Variants in KIF15 observed in about 807,000 individuals in gnomAD.
KIF15 encodes the protein kinesin-like protein KIF15.
KIF15 carries 140 observed loss-of-function variants against 190.6 expected under a neutral mutation model. That is an observed-to-expected ratio of 0.73 (90% CI 0.64 to 0.84). The LOEUF (loss-of-function observed/expected upper bound fraction) is 0.84, where lower values mean the gene tolerates loss of function less well. Among genes scored for constraint, KIF15 ranks in the 40% least tolerant of loss-of-function variants. The probability of loss-of-function intolerance (pLI) is 0.00; values close to 1 mark genes in which losing one functional copy is unlikely to be tolerated. For missense variants in KIF15, 1,372 were observed against 1,584.4 expected (o/e 0.87, Z 2.28); for synonymous variants, 528 against 551.3 (o/e 0.96, Z 0.59).
At chr3:44,866,450 C>G (rs1370215303) in intron 6 of KIF15, among the ~76,000 whole-genome samples, 1 of 152,174 alleles carries the variant, frequency 6.6e-6, no homozygotes, top group East Asian at 1.9e-4. Flanking sequence ...TGCACACTTT[C>G]CCAGCACAGA....
intron 13 of KIF15, 86 bp downstream of exon 13, chr3:44,802,060 T>A: frequency 1.1e-6 from 1 of 889,252 alleles, no homozygotes; most frequent in Non-Finnish European, 1.7e-6. Flanking sequence ...TGTTCTTTAA[T>A]ACAATGGAAA....
intron 26 of KIF15, among the ~76,000 whole-genome samples, chr3:44,834,901 C>A (rs916519452): frequency 6.6e-6 from 1 of 151,594 alleles, no homozygotes; most frequent in East Asian, 1.9e-4. Flanking sequence ...CCACTGCACT[C>A]CAGCTAGGGC....
chr3:44,794,980 G>A (rs1336404401), intron 8 of KIF15, among the ~76,000 whole-genome samples: 2 of 151,916 alleles, frequency 1.3e-5, no homozygotes, highest in African/African-American at 2.4e-5. Flanking sequence ...AAATGTATCC[G>A]TGTTGTTAAC....
chr3:44,813,443 A>T (rs1037726018), intron 19 of KIF15, among the ~76,000 whole-genome samples: 2 of 151,768 alleles, frequency 1.3e-5, no homozygotes, highest in Non-Finnish European at 2.9e-5. Flanking sequence ...TTTGACACAG[A>T]CTCTCGCTTT....
chr3:44,863,169 C>G (rs1699277878), intron 6 of KIF15: 1 of 151,904 alleles, frequency 6.6e-6, no homozygotes, highest in South Asian at 2.1e-4. Flanking sequence ...GACAGTTCTT[C>G]CAGTGTGGCC....
In KIF15 at chr3:44,812,409, T is replaced by C. The variant is rs1707825409; in HGVS notation, c.2277+120T>C. ...ATGCATGAAACATATTCAGAGAGTA[T>C]CACAGAAAGAAAATGTTGTCACATG... On this transcript the variant is annotated intron_variant, in intron 18 of 34. Coordinates refer to ENST00000326047, the MANE Select transcript of KIF15 (RefSeq NM_020242.3). 4 of 703,882 alleles carry C rather than the reference T, an allele frequency of 5.7e-6. No homozygotes were observed. The Admixed American group carries it at 1.1e-4, about 19-fold the overall frequency. 43.6% of individuals were successfully genotyped at this position (703,882 alleles called of 1,614,324 possible). A position where few individuals can be genotyped will look rare whatever the true frequency, so the allele number is the denominator to read the frequency against.
downstream of KIF15, among the ~76,000 whole-genome samples, chr3:44,855,851 T>C (rs1163514560): frequency 6.6e-6 from 1 of 152,168 alleles, no homozygotes; most frequent in African/African-American, 2.4e-5. Flanking sequence ...TTAGAGAGCA[T>C]CCAAGGGGAT....
intron 20 of KIF15, among the ~76,000 whole-genome samples, chr3:44,824,191 A>G (rs1697522916): frequency 1.3e-5 from 2 of 152,246 alleles, no homozygotes. Context: ...GCTAAAGAAA[A>G]ATAAATGAAC....
downstream of KIF15, among the ~76,000 whole-genome samples, chr3:44,854,254 G>A (rs549337673): frequency 2.0e-4 from 30 of 151,948 alleles, no homozygotes; most frequent in South Asian, 2.5e-3. Flanking sequence ...GTGTGGTGGC[G>A]CATGCCTGTA....
chr3:44,831,697 T>A (rs888081255), intron 26 of KIF15, among the ~76,000 whole-genome samples: 4 of 152,366 alleles, frequency 2.6e-5, no homozygotes, highest in Admixed American at 2.0e-4. Context: ...TGTGAACTTA[T>A]CTTTTTAAAA....
intron 7 of KIF15, among the ~76,000 whole-genome samples, chr3:44,790,297 C>T (rs1382732464): frequency 6.6e-6 from 1 of 152,142 alleles, no homozygotes; most frequent in Non-Finnish European, 1.5e-5. Flanking sequence ...TGTGCCTCAG[C>T]CTCCTGAGCA....
At position 44,840,983 on chromosome 3, in the gene KIF15, A is replaced by G. The variant is rs1698572856; in HGVS notation, c.3421-91A>G. On this transcript the variant is annotated intron_variant, in intron 28 of 34. Transcript: ENST00000326047. ...GCCACCATGCCCAGCCGTAGCTAGA[A>G]TATTTTTTATGTACTTGACATTTAC... 9.6e-6 allele frequency: 12 copies of G among 1,256,506 alleles called. No homozygotes were observed. The Admixed American group carries it at 2.2e-4, about 23-fold the overall frequency. The allele number at this position is 1,256,506 out of a possible 1,614,324, so 77.8% of individuals were successfully genotyped here.
intron 6 of KIF15, chr3:44,863,311 C>CCA (rs1472477392): frequency 2.5e-5 from 3 of 117,774 alleles, no homozygotes; most frequent in Non-Finnish European, 5.9e-5. Flanking sequence ...CCCCCCCCCC[C>CCA]CGCCGCCTTG....
Position 44,865,018 on chromosome 3 carries a change from C to T in KIF15, c.*60-8311C>T, listed in dbSNP as rs185715755. On this transcript the variant is annotated intron_variant and NMD_transcript_variant, in intron 6 of 6. Transcript: ENST00000422209. Reference sequence around the variant, plus strand: ...GCCCACCTGCTGAAGTTGAGTCCCTCACAGCTATCTTTGTCTCGCAGGCCT... The same window carrying T: ...GCCCACCTGCTGAAGTTGAGTCCCTTACAGCTATCTTTGTCTCGCAGGCCT... 9.7e-5 allele frequency: 157 copies of T among 1,613,470 alleles called. 1 individual carries two copies. The South Asian group carries it at 1.4e-3, about 14-fold the overall frequency.
chr3:44,782,005 G>A (rs1706188800), intron 5 of KIF15, among the ~76,000 whole-genome samples: 1 of 151,236 alleles, frequency 6.6e-6, no homozygotes. Context: ...TTTTTTCTAT[G>A]CTAAAGTTTT....
chr3:44,779,689 C>G (rs1051120836), intron 4 of KIF15, among the ~76,000 whole-genome samples: 1 of 151,958 alleles, frequency 6.6e-6, no homozygotes, highest in African/African-American at 2.4e-5. Context: ...AAAAAATTAG[C>G]CGGGCGTGGT....
chr3:44,765,157 A>G (rs1575567184), intron 1 of KIF15, among the ~76,000 whole-genome samples: 7 of 152,324 alleles, frequency 4.6e-5, no homozygotes, highest in Admixed American at 6.5e-5. Context: ...TTTAAATTTC[A>G]CTTTCTCTCG....
At position 44,811,033 on chromosome 3, in the gene KIF15, G is replaced by C. The variant is rs777543246; in HGVS notation, c.2159G>C (p.Arg720Thr). 6.2e-7 allele frequency: 1 copy of C among 1,604,710 alleles called. No homozygotes were observed. Residue 720 changes from arginine to threonine, a missense_variant, in exon 17 of 35, where the codon AGA (arginine) becomes ACA (threonine). Coordinates refer to ENST00000326047, the MANE Select transcript of KIF15 (RefSeq NM_020242.3). ...TTTGAGGCCATTTCTGAAGAGCTTA[G>C]AACAGTGCAGGTAATGTTTTGTTCT... ...QAFEAISEEL[R>T]TVQEQMSALQ... is the part of the protein sequence containing the mutation.
At chr3:44,840,934 A>G (rs1698569870) in intron 28 of KIF15, 140 bp from the exon 29 acceptor site, 2 of 793,606 alleles carry the variant, frequency 2.5e-6, no homozygotes, top group South Asian at 3.5e-5. Flanking sequence ...TCGGCCTCCC[A>G]AAGTGCTAGG....
Sources: allele counts gnomAD v4.1 joint callset (sites outside exome capture counted in the v4.1 genomes callset), GRCh38; gene constraint gnomAD v4.1.1; transcripts MANE v1.5; gene names NCBI Gene and HGNC (gene_info 2026-07-23, HGNC 2026-07-21).